Variants in MSANTD3 observed in about 807,000 individuals in gnomAD.
MSANTD3 encodes the protein Myb/SANT DNA binding domain containing 3.
Under a neutral mutation model 27.7 loss-of-function variants are expected in MSANTD3, and 11 were observed. The observed-to-expected ratio is 0.40, with a 90% confidence interval of 0.25 to 0.66. The LOEUF is 0.66. Ranked by LOEUF, MSANTD3 falls within the 30% of genes least tolerant of loss-of-function variation. MSANTD3 has a pLI of 0.41. For missense variants in MSANTD3, 250 were observed against 336.5 expected (o/e 0.74, Z 2.01); for synonymous variants, 131 against 127.2 (o/e 1.03, Z -0.20).
Position 100,438,803 on chromosome 9 carries a change from G to A in MSANTD3, c.-33-3103G>A, listed in dbSNP as rs372667609. Among the ~76,000 whole-genome samples the A allele has an allele frequency of 3.3e-5, 5 of 152,322 alleles. No homozygotes were observed. In the East Asian group the frequency reaches 9.6e-4, roughly 29 times the overall value. On this transcript the variant is annotated intron_variant, in intron 1 of 2. Transcript: ENST00000395067. Reference sequence around the variant, plus strand: ...AGTTTGGGGAACATTGATTCATAGGGAATAAAAGTATGGGTGAAGGTAAAA... The same window carrying A: ...AGTTTGGGGAACATTGATTCATAGGAAATAAAAGTATGGGTGAAGGTAAAA...
At chr9:100,439,649 A>G (rs1836556604) in intron 1 of MSANTD3, among the ~76,000 whole-genome samples, 1 of 151,532 alleles carries the variant, frequency 6.6e-6, no homozygotes, top group African/African-American at 2.4e-5. Flanking sequence ...AGCTGGGACT[A>G]CAGGCGTCTG....
intron 1 of MSANTD3, among the ~76,000 whole-genome samples, chr9:100,427,926 C>T (rs1836281471): frequency 6.6e-6 from 1 of 152,046 alleles, no homozygotes; most frequent in Non-Finnish European, 1.5e-5. Flanking sequence ...GCTACTGTTT[C>T]TGTAAATTAG....
intron 1 of MSANTD3, among the ~76,000 whole-genome samples, chr9:100,435,107 G>T (rs1303011736): frequency 6.6e-6 from 1 of 152,192 alleles, no homozygotes; most frequent in Non-Finnish European, 1.5e-5. Flanking sequence ...CACGTTGCAG[G>T]ACTTTTGCGC....
rs35133590 is a variant in MSANTD3, at chr9:100,451,305, A to ATT, written c.*351_*352dup. The ATT allele has an allele frequency of 1.3e-5, 2 of 152,566 alleles. No homozygotes were observed. Among genetic ancestry groups the ATT allele is most frequent in the East Asian group, 1.7e-4 (1 of 5,744 alleles). The allele number at this position is 152,566 out of a possible 1,614,324, so 9.5% of individuals were successfully genotyped here. On this transcript the variant is annotated 3_prime_UTR_variant, in exon 3 of 3. Coordinates refer to ENST00000395067, the MANE Select transcript of MSANTD3 (RefSeq NM_080655.3). ...GTGTGACTATAAAGGAGTGTGGCTGATTTTTTTTTTTTTCTTTTTTCTTTT... is the reference window on the plus strand; with the variant it reads ...GTGTGACTATAAAGGAGTGTGGCTGATTTTTTTTTTTTTTTCTTTTTTCTTTT...
chr9:100,446,306 C>T (rs1243937282), intron 2 of MSANTD3, among the ~76,000 whole-genome samples: 1 of 152,162 alleles, frequency 6.6e-6, no homozygotes, highest in Non-Finnish European at 1.5e-5. Context: ...CCAGTCATGG[C>T]ACCCCAGCCT....
At chr9:100,450,380 T>A (rs1454400395) in intron 2 of MSANTD3, among the ~76,000 whole-genome samples, 177 bp from the exon 3 acceptor site, 1 of 152,170 alleles carries the variant, frequency 6.6e-6, no homozygotes, top group African/African-American at 2.4e-5. Flanking sequence ...TGCTTTTGAT[T>A]TGTGGGTTTT....
At chr9:100,443,313 C>T (rs1380470867) in intron 2 of MSANTD3, among the ~76,000 whole-genome samples, 1 of 151,666 alleles carries the variant, frequency 6.6e-6, no homozygotes, top group Non-Finnish European at 1.5e-5. Context: ...GCAGGAGAAT[C>T]GCTTGAATTC....
intron 1 of MSANTD3, among the ~76,000 whole-genome samples, chr9:100,437,078 T>G (rs1587786160): frequency 6.6e-6 from 1 of 152,172 alleles, no homozygotes; most frequent in East Asian, 1.9e-4. Context: ...GTGCTGGGAT[T>G]ACAGGTGTGA....
At chr9:100,436,754 C>T (rs924480089) in intron 1 of MSANTD3, among the ~76,000 whole-genome samples, 2 of 152,102 alleles carry the variant, frequency 1.3e-5, no homozygotes, top group African/African-American at 2.4e-5. Flanking sequence ...CCAGCATTCC[C>T]CGGAGGCATG....
intron 2 of MSANTD3, chr9:100,445,153 T>G (rs1587792853): frequency 6.4e-7 from 1 of 1,551,894 alleles, no homozygotes; most frequent in Non-Finnish European, 8.9e-7. Context: ...TTCATTTCAC[T>G]CATTTTGCAT....
At chr9:100,444,963 C>G (rs1836718875) in intron 2 of MSANTD3, 3 of 488,206 alleles carry the variant, frequency 6.1e-6, no homozygotes, top group East Asian at 6.2e-5. Flanking sequence ...GGGGACTTCC[C>G]TTTTTGCTGG....
At position 100,442,004 on chromosome 9, in the gene MSANTD3, G is replaced by A; in HGVS notation, c.66G>A (p.Leu22=). 1 of 1,614,172 alleles carries A rather than the reference G, an allele frequency of 6.2e-7. No individual in the cohort carries two copies. The highest frequency in any genetic ancestry group is 8.5e-7 in the Non-Finnish European group (1 of 1,180,014). ...YFSELEKSIL[L]ALVEKYKYVL... ...CAGAATTGGAAAAGAGCATCCTGCT[G>A]GCTTTAGTAGAAAAGTATAAATATG... The change falls in exon 2 of 3, where the codon CTG becomes CTA. Residue 22 remains leucine, a synonymous_variant. Coordinates refer to ENST00000395067, the MANE Select transcript of MSANTD3 (RefSeq NM_080655.3).
intron 2 of MSANTD3, 113 bp downstream of exon 2, chr9:100,442,469 T>C (rs972423621): frequency 1.4e-6 from 2 of 1,447,390 alleles, no homozygotes; most frequent in Admixed American, 2.5e-5. Context: ...TTGTATCAAA[T>C]CCAATTTTCC....
intron 2 of MSANTD3, among the ~76,000 whole-genome samples, chr9:100,447,109 A>G (rs1344214543): frequency 6.6e-6 from 1 of 151,910 alleles, no homozygotes; most frequent in Admixed American, 6.6e-5. Context: ...GGGATTTCCT[A>G]CCCTTTTTGC....
intron 2 of MSANTD3, among the ~76,000 whole-genome samples, chr9:100,442,775 C>T (rs1354198644): frequency 6.9e-6 from 1 of 145,452 alleles, no homozygotes; most frequent in Non-Finnish European, 1.5e-5. Context: ...CGCCACTGCA[C>T]TCCAGCCTGG....
rs1836264120 is a variant in MSANTD3 at position 100,427,230 on chromosome 9, G to GGGCCTGGCCGGCCGGGGGCGCGCCGC, written c.-196_-171dup. On this transcript the variant is annotated 5_prime_UTR_variant, in exon 1 of 3. Coordinates refer to ENST00000395067, the MANE Select transcript of MSANTD3 (RefSeq NM_080655.3). Reference sequence around the variant, plus strand: ...CTTTGTGGCCGCGGCGCGCGCGGCGGGGCCTGGCCGGCCGGGGGCGCGCCG... The same window carrying GGGCCTGGCCGGCCGGGGGCGCGCCGC: ...CTTTGTGGCCGCGGCGCGCGCGGCGGGGCCTGGCCGGCCGGGGGCGCGCCGCGGCCTGGCCGGCCGGGGGCGCGCCG... 6.9e-6 allele frequency: 1 copy of GGGCCTGGCCGGCCGGGGGCGCGCCGC among 145,704 alleles called. No individual in the cohort carries two copies. The allele number at this position is 145,704 out of a possible 1,614,324, so 9.0% of individuals were successfully genotyped here. A position where few individuals can be genotyped will look rare whatever the true frequency, so the allele number is the denominator to read the frequency against.
At chr9:100,432,878 C>A (rs1448393712) in intron 1 of MSANTD3, among the ~76,000 whole-genome samples, 1 of 152,154 alleles carries the variant, frequency 6.6e-6, no homozygotes, top group African/African-American at 2.4e-5. Context: ...TGCAGAAAAA[C>A]CATTTTAATG....
At chr9:100,450,479 C>A in intron 2 of MSANTD3, 78 bp from the exon 3 acceptor site, 1 of 1,325,704 alleles carries the variant, frequency 7.5e-7, no homozygotes, top group Non-Finnish European at 1.0e-6. Context: ...AGGACCCTGT[C>A]ATTTGAAATA....
chr9:100,442,230 A>T lies in MSANTD3; in HGVS notation c.292A>T (p.Ser98Cys). 1 of 1,614,196 alleles carries T rather than the reference A, an allele frequency of 6.2e-7. No homozygotes were observed. Residue 98 changes from serine (S) to cysteine (C), a missense_variant, in exon 2 of 3, where the codon AGC (serine) becomes TGC (cysteine). Transcript: ENST00000395067. ...ERREKVKRSV[S>C]PLLSTHVLGK... Reference sequence around the variant, plus strand: ...GAGAGAGAAAGTGAAACGGAGCGTCAGCCCTCTCCTGAGTACCCACGTCCT... The same window carrying T: ...GAGAGAGAAAGTGAAACGGAGCGTCTGCCCTCTCCTGAGTACCCACGTCCT...
Sources: gnomAD v4.1 joint callset for allele counts (sites outside exome capture counted in the v4.1 genomes callset) on GRCh38, gnomAD v4.1.1 for gene constraint, MANE v1.5 for transcripts, NCBI Gene and HGNC (gene_info 2026-07-23, HGNC 2026-07-21) for gene names.